Variants in CADM2 observed in about 807,000 individuals in gnomAD.
The protein encoded by CADM2 is cell adhesion molecule 2.
A neutral mutation model predicts 49.8 loss-of-function variants in CADM2; 12 were observed. The ratio of observed to expected loss-of-function variants is 0.24; its 90% CI spans 0.15 to 0.39. The LOEUF is 0.39. Among genes scored for constraint, CADM2 ranks in the 10% least tolerant of loss-of-function variants. The pLI is 1.00. For missense variants in CADM2, 378 were observed against 492.3 expected (o/e 0.77, Z 2.20); for synonymous variants, 214 against 175.4 (o/e 1.22, Z -1.74).
At chr3:86,008,325 T>C (rs935923570) in intron 8 of CADM2, among the ~76,000 whole-genome samples, 4 of 151,858 alleles carry the variant, frequency 2.6e-5, no homozygotes, top group African/African-American at 9.7e-5. Flanking sequence ...AAAAGAAAAA[T>C]AGGACACCAA....
chr3:85,659,053 AAAT>A (rs71112106), intron 1 of CADM2, among the ~76,000 whole-genome samples: 299 of 140,056 alleles, frequency 2.1e-3, no homozygotes, highest in African/African-American at 6.1e-3. Context: ...CTCTGTCTCT[AAAT>A]AATAATAATA....
chr3:84,995,968 G>A (rs1022432576), intron 1 of CADM2, among the ~76,000 whole-genome samples: 1 of 152,092 alleles, frequency 6.6e-6, no homozygotes, highest in Non-Finnish European at 1.5e-5. Context: ...CCAGCAAACT[G>A]ATAAAACTTC....
At chr3:85,955,950 G>GA (rs1724003265) in intron 7 of CADM2, among the ~76,000 whole-genome samples, 2 of 151,592 alleles carry the variant, frequency 1.3e-5, no homozygotes, top group Admixed American at 1.3e-4. Flanking sequence ...AGAAACTTCT[G>GA]AAAAAATATC....
rs573769495 is a variant in CADM2, at chr3:85,415,255, C to T, written c.62-311267C>T. Among the ~76,000 whole-genome samples, 9 of 152,108 alleles carry T rather than the reference C, an allele frequency of 5.9e-5. No individual in the cohort carries two copies. The South Asian group carries it at 1.2e-3, about 21-fold the overall frequency. The stretch of plus-strand genomic sequence containing the variant: ...TTCTAAGACTATAGTTCTCAAATTT[C>T]GTGGACTTAAGAATTGCCCCTAGTT... On this transcript the variant is annotated intron_variant, in intron 1 of 9. Coordinates refer to ENST00000383699, the MANE Select transcript of CADM2 (RefSeq NM_001167675.2).
chr3:84,982,702 C>CATATATATATATATATAT (rs71104999), intron 1 of CADM2, among the ~76,000 whole-genome samples: 23 of 76,316 alleles, frequency 3.0e-4, no homozygotes, highest in South Asian at 5.8e-4. Flanking sequence ...AACTATAAAG[C>CATATATATATATATATAT]ATATATATAT....
At chr3:85,248,788 AC>A (rs2042710137) in intron 1 of CADM2, among the ~76,000 whole-genome samples, 2 of 152,178 alleles carry the variant, frequency 1.3e-5, no homozygotes, top group African/African-American at 4.8e-5. Flanking sequence ...ACAGTCTATA[AC>A]CAAATGTTTC....
chr3:85,627,164 AC>A (rs1046746783), intron 1 of CADM2, among the ~76,000 whole-genome samples: 3 of 151,828 alleles, frequency 2.0e-5, no homozygotes, highest in Non-Finnish European at 2.9e-5. Flanking sequence ...TCTGATACTT[AC>A]AGTCAACATT....
chr3:85,519,807 A>G (rs1191978475), intron 1 of CADM2, among the ~76,000 whole-genome samples: 4 of 152,098 alleles, frequency 2.6e-5, no homozygotes, highest in Admixed American at 2.6e-4. Context: ...TACTTTGGCA[A>G]AGTTCCTGGT....
intron 1 of CADM2, among the ~76,000 whole-genome samples, chr3:85,598,296 C>A (rs145809673): frequency 0.012 from 1,879 of 151,816 alleles, 20 homozygotes; most frequent in Middle Eastern, 0.031. Context: ...TCCCATCAAG[C>A]CAAACACTGG....
rs181723388 is a variant in CADM2, at chr3:85,393,124, T to G, written c.62-333398T>G. On this transcript the variant is annotated intron_variant, in intron 1 of 9. Transcript: ENST00000383699. The stretch of plus-strand genomic sequence containing the variant: ...AAAAAGAAAAGAAAAATTCCTAGGA[T>G]AAATGATAGTTGTAAGAAAGACAAT... Among the ~76,000 whole-genome samples the G allele has an allele frequency of 4.0e-5, 6 of 148,412 alleles. 1 individual carries two copies. Among genetic ancestry groups the G allele is most frequent in the Admixed American group, 3.4e-4 (5 of 14,878 alleles).
chr3:85,396,784 TAAACA>T (rs1041773059), intron 1 of CADM2, among the ~76,000 whole-genome samples: 1 of 152,076 alleles, frequency 6.6e-6, no homozygotes, highest in Admixed American at 6.6e-5. Context: ...ATCAAATACC[TAAACA>T]AAAGAGTTAT....
chr3:85,259,816 C>T (rs1192001795), intron 1 of CADM2, among the ~76,000 whole-genome samples: 2 of 152,134 alleles, frequency 1.3e-5, no homozygotes, highest in African/African-American at 4.8e-5. Flanking sequence ...CTATAGATTT[C>T]CAATCTGATT....
intron 1 of CADM2, among the ~76,000 whole-genome samples, chr3:85,161,451 A>G (rs149013230): frequency 6.6e-6 from 1 of 152,204 alleles, no homozygotes; most frequent in East Asian, 1.9e-4. Context: ...CCACTTATGA[A>G]GCTCAGTTAC....
chr3:84,984,540 C>G (rs1241518826), intron 1 of CADM2, among the ~76,000 whole-genome samples: 1 of 151,298 alleles, frequency 6.6e-6, no homozygotes. Flanking sequence ...TTCTCTCTTT[C>G]AACAGCTAGT....
chr3:85,343,026 T>C (rs2107201270), intron 1 of CADM2, among the ~76,000 whole-genome samples: 1 of 152,286 alleles, frequency 6.6e-6, no homozygotes, highest in East Asian at 1.9e-4. Flanking sequence ...AGACCAGTCA[T>C]TGTCAAGTAG....
intron 1 of CADM2, among the ~76,000 whole-genome samples, chr3:85,700,243 C>A (rs549378701): frequency 7.2e-5 from 11 of 152,206 alleles, no homozygotes; most frequent in African/African-American, 2.4e-4. Context: ...AAACAAAAAA[C>A]CAAACACTGC....
At chr3:85,127,220 C>T (rs879772988) in intron 1 of CADM2, among the ~76,000 whole-genome samples, 1 of 152,000 alleles carries the variant, frequency 6.6e-6, no homozygotes, top group Admixed American at 6.6e-5. Flanking sequence ...ACATATCTAC[C>T]AAAATATATT....
intron 1 of CADM2, among the ~76,000 whole-genome samples, chr3:85,396,554 A>T (rs575954252): frequency 6.6e-6 from 1 of 152,068 alleles, no homozygotes; most frequent in African/African-American, 2.4e-5. Flanking sequence ...ACAAAATTAT[A>T]CGCTATGCAG....
intron 1 of CADM2, among the ~76,000 whole-genome samples, chr3:85,020,073 T>G (rs2034430398): frequency 6.6e-6 from 1 of 152,196 alleles, no homozygotes; most frequent in Non-Finnish European, 1.5e-5. Context: ...CAAATAGAGA[T>G]ACCATAGTTG....
Sources: allele counts gnomAD v4.1 joint callset (sites outside exome capture counted in the v4.1 genomes callset), GRCh38; gene constraint gnomAD v4.1.1; transcripts MANE v1.5; gene names NCBI Gene and HGNC (gene_info 2026-07-23, HGNC 2026-07-21).